The following SPAST variants were observed in gnomAD, a reference collection of about 807,000 sequenced individuals.
SPAST encodes spastic paraplegia 4 (autosomal dominant; spastin).
Under a neutral mutation model 76.6 loss-of-function variants are expected in SPAST, and 30 were observed. The observed-to-expected ratio is 0.39, with a 90% CI of 0.29 to 0.53. SPAST has a LOEUF of 0.53. SPAST is among the 20% of genes least tolerant of loss of function. The probability of loss-of-function intolerance (pLI) is 0.68; values close to 1 mark genes in which losing one functional copy is unlikely to be tolerated. For missense variants in SPAST, 717 were observed against 770.5 expected (o/e 0.93, Z 0.82); for synonymous variants, 305 against 281.0 (o/e 1.09, Z -0.86).
chr2:32,076,320 A>C (rs1014797447), intron 1 of SPAST, among the ~76,000 whole-genome samples: 1 of 152,216 alleles, frequency 6.6e-6, no homozygotes, highest in African/African-American at 2.4e-5. Context: ...AGGGAAAATA[A>C]TTCTTTACCT....
At chr2:32,071,680 T>C (rs1394183432) in intron 1 of SPAST, among the ~76,000 whole-genome samples, 1 of 152,154 alleles carries the variant, frequency 6.6e-6, no homozygotes, top group Non-Finnish European at 1.5e-5. Context: ...GGCTTCCAGG[T>C]CGTAGGCAGA....
At position 32,064,191 on chromosome 2, in the gene SPAST, C is replaced by T. The variant is rs1206725299; in HGVS notation, c.360C>T (p.His120=). The T allele has an allele frequency of 1.3e-6, 2 of 1,548,142 alleles. No individual in the cohort carries two copies. Among genetic ancestry groups the T allele is most frequent in the South Asian group, 1.2e-5 (1 of 84,288 alleles). Residue 120 remains histidine, a synonymous_variant, in exon 1 of 17, where the codon CAC becomes CAT. Transcript: ENST00000315285. ...GGEAERVRVF[H]KQAFEYISIA... ...AGGCCGAGCGCGTCCGAGTCTTCCA[C>T]AAACAGGCCTTCGAGTACATCTCCA...
chr2:32,152,782 C>G (rs1027056251), intron 16 of SPAST, among the ~76,000 whole-genome samples: 3 of 151,402 alleles, frequency 2.0e-5, no homozygotes, highest in Non-Finnish European at 4.4e-5. Flanking sequence ...GGGTATCACT[C>G]TGTCTCCCAG....
chr2:32,087,977 G>A (rs1335660660), intron 2 of SPAST, among the ~76,000 whole-genome samples: 10 of 151,624 alleles, frequency 6.6e-5, no homozygotes, highest in Admixed American at 3.9e-4. Flanking sequence ...TCCGCCTCCC[G>A]GATTCAGGCT....
At chr2:32,141,316 C>G (rs1233965524) in intron 12 of SPAST, among the ~76,000 whole-genome samples, 2 of 152,168 alleles carry the variant, frequency 1.3e-5, no homozygotes, top group Non-Finnish European at 2.9e-5. Flanking sequence ...CATTCCTATG[C>G]TATCAATTAG....
Position 32,142,041 on chromosome 2 carries a change from T to G in SPAST, c.1536+95T>G, listed in dbSNP as rs974705197. 9.1e-5 allele frequency: 88 copies of G among 971,554 alleles called. No individual in the cohort carries two copies. In the African/African-American group the frequency reaches 1.3e-3, roughly 15 times the overall value. 60.2% of individuals were successfully genotyped at this position (971,554 alleles called of 1,614,324 possible). ...GTCTTCCAATCCATGGTACAGCTAC[T>G]TTGGAAAACAGTTTAGTGGTTTCTT... On this transcript the variant is annotated intron_variant, in intron 13 of 16. Transcript: ENST00000315285.
intron 4 of SPAST, among the ~76,000 whole-genome samples, chr2:32,101,760 G>C (rs1338802349): frequency 6.6e-6 from 1 of 152,092 alleles, no homozygotes; most frequent in African/African-American, 2.4e-5. Flanking sequence ...GTTTTTGTCA[G>C]GTTTGTCAAA....
chr2:32,081,683 C>A (rs1463109236), intron 1 of SPAST, among the ~76,000 whole-genome samples: 1 of 145,738 alleles, frequency 6.9e-6, no homozygotes, highest in Admixed American at 7.2e-5. Flanking sequence ...ACTCAGGAGG[C>A]TGAGGCAGGA....
At chr2:32,082,871 T>G (rs546151004) in intron 1 of SPAST, among the ~76,000 whole-genome samples, 10 of 152,362 alleles carry the variant, frequency 6.6e-5, no homozygotes, top group Admixed American at 5.2e-4. Context: ...TAATGCTGAA[T>G]AGTATTCCAC....
chr2:32,065,896 A>G (rs1467142536), intron 1 of SPAST: 1 of 152,122 alleles, frequency 6.6e-6, no homozygotes, highest in Non-Finnish European at 1.5e-5. Flanking sequence ...GTGACGGTTA[A>G]GAGAGGTCAA....
At chr2:32,124,991 C>A (rs1679143787) in intron 7 of SPAST, among the ~76,000 whole-genome samples, 1 of 152,026 alleles carries the variant, frequency 6.6e-6, no homozygotes, top group Non-Finnish European at 1.5e-5. Context: ...TCAAAACCCA[C>A]AGAATATAAA....
chr2:32,089,631 T>C (rs753125838), intron 3 of SPAST, 26 bp downstream of exon 3: 4 of 1,125,826 alleles, frequency 3.6e-6, no homozygotes, highest in Non-Finnish European at 5.4e-6. Context: ...TAATTTGATG[T>C]GGGATGTATT....
intron 1 of SPAST, among the ~76,000 whole-genome samples, chr2:32,066,773 A>T (rs1676528366): frequency 6.6e-6 from 1 of 152,024 alleles, no homozygotes; most frequent in Admixed American, 6.6e-5. Flanking sequence ...CAGGAGTTTG[A>T]GACCAGCCTG....
intron 9 of SPAST, among the ~76,000 whole-genome samples, chr2:32,135,120 G>T (rs1558335682): frequency 6.8e-6 from 1 of 147,796 alleles, no homozygotes; most frequent in African/African-American, 2.5e-5. Flanking sequence ...TGATAATTTT[G>T]TGTGTGTGTG....
chr2:32,106,963 T>C (rs1417652060), intron 4 of SPAST, among the ~76,000 whole-genome samples: 2 of 151,598 alleles, frequency 1.3e-5, no homozygotes, highest in Non-Finnish European at 2.9e-5. Context: ...GTATTTGAGA[T>C]CCCAGTAATT....
chr2:32,151,516 A>C (rs1163901212), intron 16 of SPAST, among the ~76,000 whole-genome samples: 2 of 152,166 alleles, frequency 1.3e-5, no homozygotes, highest in African/African-American at 2.4e-5. Flanking sequence ...TTTGCTCTCT[A>C]AAACTGTATA....
intron 1 of SPAST, among the ~76,000 whole-genome samples, chr2:32,064,509 A>G (rs1180215055): frequency 3.3e-5 from 5 of 152,182 alleles, no homozygotes; most frequent in African/African-American, 9.7e-5. Flanking sequence ...CCAGGTCACT[A>G]TGAGACACCC....
chr2:32,116,071 A>T, intron 6 of SPAST, 48 bp from the exon 7 acceptor site: 1 of 1,340,106 alleles, frequency 7.5e-7, no homozygotes, highest in Non-Finnish European at 1.1e-6. Context: ...TCTTGTAATA[A>T]CTGGGCCCTG....
chr2:32,071,351 A>G (rs780167116), intron 1 of SPAST, among the ~76,000 whole-genome samples: 2 of 152,268 alleles, frequency 1.3e-5, no homozygotes, highest in Admixed American at 1.3e-4. Flanking sequence ...AGGGTCAGGC[A>G]TTGAAGACAG....
Sources: gnomAD v4.1 joint callset for allele counts (sites outside exome capture counted in the v4.1 genomes callset) on GRCh38, gnomAD v4.1.1 for gene constraint, MANE v1.5 for transcripts, NCBI Gene and HGNC (gene_info 2026-07-23, HGNC 2026-07-21) for gene names.